Variants in SLC8A1 observed in about 807,000 individuals in gnomAD.
SLC8A1 encodes the protein solute carrier family 8 member A1, also known as sodium/calcium exchanger 1.
SLC8A1 carries 18 observed loss-of-function variants against 68.3 expected under a neutral mutation model. The observed-to-expected ratio is 0.26, with a 90% CI of 0.18 to 0.39. The LOEUF is 0.39. Among genes scored for constraint, SLC8A1 ranks in the 10% least tolerant of loss-of-function variants. The pLI is 1.00. For missense variants in SLC8A1, 985 were observed against 1,156.7 expected, an observed-to-expected ratio of 0.85 and a Z score of 2.15; for synonymous variants, 475 against 415.5, an observed-to-expected ratio of 1.14 and a Z score of -1.74.
At chr2:40,235,324 T>G (rs942864799) in intron 2 of SLC8A1, among the ~76,000 whole-genome samples, 2 of 152,142 alleles carry the variant, frequency 1.3e-5, no homozygotes, top group African/African-American at 2.4e-5. Flanking sequence ...TGGTTTAGTC[T>G]TGGGAGAGTG....
At chr2:40,193,571 A>C (rs1275193678) in intron 2 of SLC8A1, among the ~76,000 whole-genome samples, 1 of 152,116 alleles carries the variant, frequency 6.6e-6, no homozygotes, top group East Asian at 1.9e-4. Flanking sequence ...TGCACATGTA[A>C]GTGGTAGAGG....
At chr2:40,505,592 C>T (rs375710757) in intron 1 of SLC8A1, among the ~76,000 whole-genome samples, 1 of 152,056 alleles carries the variant, frequency 6.6e-6, no homozygotes, top group East Asian at 1.9e-4. Flanking sequence ...TGTGTGCATG[C>T]ATACACACCT....
chr2:40,320,088 G>A (rs2075005601), intron 2 of SLC8A1, among the ~76,000 whole-genome samples: 1 of 152,064 alleles, frequency 6.6e-6, no homozygotes, highest in Non-Finnish European at 1.5e-5. Context: ...TTTGTCTCAT[G>A]TCATCATTAT....
chr2:40,255,359 C>T (rs2063739391), intron 2 of SLC8A1: 1 of 152,126 alleles, frequency 6.6e-6, no homozygotes, highest in South Asian at 2.1e-4. Flanking sequence ...TCTGGGAGGT[C>T]CTAGAAGCTC....
At position 40,410,353 on chromosome 2, in the gene SLC8A1, T is replaced by C. The variant is rs1417631807; in HGVS notation, c.1808+18120A>G. On this transcript the variant is annotated intron_variant, in intron 2 of 7. Coordinates refer to ENST00000406785, the Ensembl canonical transcript of SLC8A1. Reference sequence around the variant, plus strand: ...ATAACATCCAGCGCTAGGGATCACATTGAAAATAATTTCATTTGATTTTCA... The same window carrying C: ...ATAACATCCAGCGCTAGGGATCACACTGAAAATAATTTCATTTGATTTTCA... Among the ~76,000 whole-genome samples the C allele has an allele frequency of 3.9e-5, 6 of 152,088 alleles. 1 individual carries two copies. Among genetic ancestry groups the C allele is most frequent in the South Asian group, 4.1e-4 (2 of 4,830 alleles).
intron 2 of SLC8A1, among the ~76,000 whole-genome samples, chr2:40,207,713 T>C (rs951162712): frequency 2.0e-5 from 3 of 152,148 alleles, no homozygotes; most frequent in Admixed American, 6.6e-5. Flanking sequence ...AGTCATATAA[T>C]GGGAATCATG....
At chr2:40,463,825 TACAC>T (rs1364700620) in intron 1 of SLC8A1, among the ~76,000 whole-genome samples, 5 of 108,350 alleles carry the variant, frequency 4.6e-5, no homozygotes, top group African/African-American at 1.5e-4. Context: ...GATATATACA[TACAC>T]ACACACACAT....
intron 1 of SLC8A1, among the ~76,000 whole-genome samples, chr2:40,495,933 T>C (rs936537037): frequency 3.9e-5 from 6 of 152,038 alleles, no homozygotes; most frequent in African/African-American, 1.2e-4. Flanking sequence ...TATGTGATTC[T>C]CAGGCAACAA....
chr2:40,265,681 A>G (rs2149112632), intron 2 of SLC8A1, among the ~76,000 whole-genome samples: 1 of 152,272 alleles, frequency 6.6e-6, no homozygotes, highest in South Asian at 2.1e-4. Flanking sequence ...GTTTTTCAGG[A>G]CCAAAAGAGC....
intron 2 of SLC8A1, among the ~76,000 whole-genome samples, chr2:40,359,115 G>C (rs1455066194): frequency 6.6e-6 from 1 of 152,008 alleles, no homozygotes; most frequent in African/African-American, 2.4e-5. Context: ...TGGGGAAGGG[G>C]TATCTAGCAC....
intron 2 of SLC8A1, among the ~76,000 whole-genome samples, chr2:40,207,737 T>G (rs1445408318): frequency 6.6e-6 from 1 of 152,248 alleles, no homozygotes; most frequent in African/African-American, 2.4e-5. Flanking sequence ...TCTGGAATAT[T>G]TGGTTTAACG....
At chr2:40,253,253 GTATA>G (rs957540564) in intron 2 of SLC8A1, among the ~76,000 whole-genome samples, 1 of 148,128 alleles carries the variant, frequency 6.8e-6, no homozygotes, top group Non-Finnish European at 1.5e-5. Context: ...ATACACATAT[GTATA>G]CATATATACA....
At chr2:40,210,059 T>C (rs1345773075) in intron 2 of SLC8A1, 1 of 152,222 alleles carries the variant, frequency 6.6e-6, no homozygotes, top group Non-Finnish European at 1.5e-5. Flanking sequence ...TCTAATCTAA[T>C]CTAATTCTGC....
chr2:40,470,893 TAAA>T (rs1219040721), intron 1 of SLC8A1, among the ~76,000 whole-genome samples: 2 of 152,072 alleles, frequency 1.3e-5, no homozygotes, highest in African/African-American at 4.8e-5. Flanking sequence ...AATGTGGAAA[TAAA>T]AAAAGATCCT....
At chr2:40,174,438 T>G (rs1368428645) in intron 4 of SLC8A1, among the ~76,000 whole-genome samples, 1 of 152,154 alleles carries the variant, frequency 6.6e-6, no homozygotes, top group Non-Finnish European at 1.5e-5. Flanking sequence ...GGAGCCTCTA[T>G]CAGGGAACTG....
At chr2:40,245,168 G>C (rs769079055) in intron 2 of SLC8A1, among the ~76,000 whole-genome samples, 1 of 122,272 alleles carries the variant, frequency 8.2e-6, no homozygotes, top group East Asian at 2.4e-4. Context: ...CCACTCCAGT[G>C]GACTCAGTCT....
At chr2:40,254,983 G>C (rs1007213253) in intron 2 of SLC8A1, 1 of 151,926 alleles carries the variant, frequency 6.6e-6, no homozygotes, top group African/African-American at 2.4e-5. Context: ...TATCTCGCCT[G>C]TTTCTAATTT....
chr2:40,218,274 T>A (rs1475928402), intron 2 of SLC8A1, among the ~76,000 whole-genome samples: 1 of 152,202 alleles, frequency 6.6e-6, no homozygotes, highest in Non-Finnish European at 1.5e-5. Flanking sequence ...AGCTGTGCTT[T>A]CCTTTGATAA....
At chr2:40,237,635 C>T (rs1315983088) in intron 2 of SLC8A1, among the ~76,000 whole-genome samples, 1 of 152,090 alleles carries the variant, frequency 6.6e-6, no homozygotes, top group East Asian at 1.9e-4. Flanking sequence ...CAGCTTTGTT[C>T]CGTTGCTGGT....
Sources: allele counts gnomAD v4.1 joint callset (sites outside exome capture counted in the v4.1 genomes callset), GRCh38; gene constraint gnomAD v4.1.1; transcripts MANE v1.5; gene names NCBI Gene and HGNC (gene_info 2026-07-23, HGNC 2026-07-21).